The following FRG1 variants were observed in gnomAD, a reference collection of about 807,000 sequenced individuals.
FRG1 encodes FSHD region gene 1.
In FRG1, 19 loss-of-function variants were observed where a neutral mutation model predicts 37.0. The ratio of observed to expected loss-of-function variants is 0.51; its 90% CI spans 0.36 to 0.75. The LOEUF is 0.75. Among genes scored for constraint, FRG1 ranks in the 30% least tolerant of loss-of-function variants. The pLI is 0.00. For missense variants in FRG1, 243 were observed against 301.4 expected (o/e 0.81, Z 1.44); for synonymous variants, 73 against 96.5 (o/e 0.76, Z 1.43).
intron 4 of FRG1, among the ~76,000 whole-genome samples, chr4:189,954,756 A>G (rs1400497396): frequency 2.6e-5 from 4 of 151,908 alleles, no homozygotes; most frequent in Non-Finnish European, 5.9e-5. Context: ...CGCCATGCCC[A>G]GCTAACTTTT....
intron 2 of FRG1, among the ~76,000 whole-genome samples, chr4:189,948,803 A>G: frequency 6.6e-6 from 1 of 152,268 alleles, no homozygotes; most frequent in Non-Finnish European, 1.5e-5. Context: ...CAATCCTCTC[A>G]CCTCCGACTC....
At chr4:189,950,067 A>G (rs1736689131) in intron 2 of FRG1, among the ~76,000 whole-genome samples, 1 of 151,916 alleles carries the variant, frequency 6.6e-6, no homozygotes, top group African/African-American at 2.4e-5. Flanking sequence ...TGTTTTGATA[A>G]TAGCTATTCT....
chr4:189,943,174 A>G (rs530509235), intron 1 of FRG1, 28 bp from the exon 2 acceptor site: 1 of 1,539,670 alleles, frequency 6.5e-7, no homozygotes, highest in African/African-American at 1.4e-5. Flanking sequence ...ATATACCTAA[A>G]CTCGTCTATA....
At chr4:189,948,036 CGTT>C (rs1736600983) in intron 2 of FRG1, among the ~76,000 whole-genome samples, 1 of 152,144 alleles carries the variant, frequency 6.6e-6, no homozygotes, top group South Asian at 2.1e-4. Flanking sequence ...TCAGTTTTCT[CGTT>C]GGTCATGGTG....
chr4:189,951,860 A>T (rs1260131862), intron 2 of FRG1, among the ~76,000 whole-genome samples: 2 of 152,120 alleles, frequency 1.3e-5, no homozygotes, highest in African/African-American at 2.4e-5. Flanking sequence ...TTAAAAACCT[A>T]ATCCTGACTG....
At chr4:189,947,273 T>C (rs948896159) in intron 2 of FRG1, among the ~76,000 whole-genome samples, 35 of 152,306 alleles carry the variant, frequency 2.3e-4, no homozygotes, top group African/African-American at 7.2e-4. Flanking sequence ...CCAGCGGTAA[T>C]TCTAGATCTG....
rs569298197 is a variant in FRG1 at position 189,957,519 on chromosome 4, A to G, written c.537+17A>G. On this transcript the variant is annotated intron_variant, in intron 6 of 8. Coordinates refer to ENST00000226798, the MANE Select transcript of FRG1 (RefSeq NM_004477.3). ...ATGATCAAGGTAATGATGACATTTT[A>G]TACAGATGACTGCATTCACACATGC... is the stretch of plus-strand genomic sequence containing the variant. 1.2e-4 allele frequency: 194 copies of G among 1,611,136 alleles called. No individual in the cohort carries two copies. The highest frequency in any genetic ancestry group is 1.0e-3 in the African/African-American group (78 of 74,720).
Position 189,953,114 on chromosome 4 carries a change from A to G in FRG1, c.306A>G (p.Leu102=), listed in dbSNP as rs777511968. The change falls in exon 4 of 9, where the codon TTA becomes TTG. Residue 102 remains leucine (L), a synonymous_variant. Coordinates refer to ENST00000226798, the MANE Select transcript of FRG1 (RefSeq NM_004477.3). ...CAGAGCAGTTTACGGCTGTCAAATT[A>G]TCTGATTCCAGGTGAGCTTATGTTG... is the stretch of plus-strand genomic sequence containing the variant. ...SPPEQFTAVK[L]SDSRIALKSG... 6.3e-7 allele frequency: 1 copy of G among 1,587,316 alleles called. No homozygotes were observed. The highest frequency in any genetic ancestry group is 1.4e-5 in the African/African-American group (1 of 73,556).
chr4:189,962,093 G>A (rs1291082101), intron 8 of FRG1, among the ~76,000 whole-genome samples, 161 bp downstream of exon 8: 2 of 152,002 alleles, frequency 1.3e-5, no homozygotes, highest in Non-Finnish European at 1.5e-5. Flanking sequence ...CGTAAGTTTG[G>A]GAAAAGACTG....
In FRG1 at chr4:189,960,908, A is replaced by G. The variant is rs1172348534; in HGVS notation, c.629+69A>G. 2.6e-6 allele frequency: 4 copies of G among 1,552,546 alleles called. No homozygotes were observed. In the African/African-American group the frequency reaches 5.5e-5, roughly 21 times the overall value. ...GTGCTTCTCAAAGTGCTTTCAAAAT[A>G]AATTACCTACTTAGCTGGGCATGGT... is the stretch of plus-strand genomic sequence containing the variant. On this transcript the variant is annotated intron_variant, in intron 7 of 8. Coordinates refer to ENST00000226798, the MANE Select transcript of FRG1 (RefSeq NM_004477.3).
chr4:189,954,994 T>G, intron 4 of FRG1, 43 bp from the exon 5 acceptor site: 1 of 1,244,460 alleles, frequency 8.0e-7, no homozygotes, highest in African/African-American at 1.5e-5. Flanking sequence ...TATAATTAAT[T>G]TTCTCTCAGT....
chr4:189,945,376 C>T (rs79406949), intron 2 of FRG1, among the ~76,000 whole-genome samples: 35 of 152,272 alleles, frequency 2.3e-4, no homozygotes, highest in Admixed American at 1.4e-3. Flanking sequence ...TATGGTATGA[C>T]GTCTGTAGGA....
intron 6 of FRG1, 84 bp downstream of exon 6, chr4:189,957,586 T>G: frequency 1.6e-6 from 2 of 1,215,362 alleles, no homozygotes; most frequent in South Asian, 1.3e-5. Flanking sequence ...GGTCATTTAC[T>G]GTCACTTTAA....
intron 2 of FRG1, among the ~76,000 whole-genome samples, chr4:189,951,790 G>C (rs958594361): frequency 6.6e-6 from 1 of 151,980 alleles, no homozygotes; most frequent in African/African-American, 2.4e-5. Flanking sequence ...CCAGCTCCCC[G>C]AGTAGCTGAG....
intron 2 of FRG1, among the ~76,000 whole-genome samples, chr4:189,949,005 G>A (rs1030778544): frequency 6.6e-6 from 1 of 152,136 alleles, no homozygotes. Context: ...TAAACTATGT[G>A]ACAATATGTG....
At chr4:189,951,676 C>CT (rs1007454537) in intron 2 of FRG1, among the ~76,000 whole-genome samples, 11 of 151,918 alleles carry the variant, frequency 7.2e-5, no homozygotes, top group Admixed American at 5.2e-4. Flanking sequence ...TTGTTTTGGT[C>CT]TTTTTTTGAG....
chr4:189,945,145 ATTAC>A (rs1301076506), intron 2 of FRG1, among the ~76,000 whole-genome samples: 1 of 152,204 alleles, frequency 6.6e-6, no homozygotes, highest in East Asian at 1.9e-4. Flanking sequence ...TGTTTCACTT[ATTAC>A]TTCTAGTGGT....
chr4:189,948,968 A>C (rs141198283), intron 2 of FRG1, among the ~76,000 whole-genome samples: 3,685 of 152,306 alleles, frequency 0.024, 75 homozygotes, highest in East Asian at 0.11. Flanking sequence ...GCTGGATTAC[A>C]GGCATGCCAG....
rs17425208 is a variant in FRG1, at chr4:189,955,041, G to A, written c.322G>A (p.Ala108Thr). The part of the protein sequence containing the change: ...TAVKLSDSRI[A>T]LKSGYGKYLG... Reference sequence around the variant, plus strand: ...ATCTATGTTATTAATGTACAGAATCGCCCTGAAGTCTGGCTATGGAAAATA... The same window carrying A: ...ATCTATGTTATTAATGTACAGAATCACCCTGAAGTCTGGCTATGGAAAATA... Residue 108 changes from alanine (A) to threonine (T), a missense_variant, in exon 5 of 9, where the codon GCC becomes ACC. This residue lies in a region of FRG1 where 133 missense variants were observed against 199.3 expected (regional missense o/e 0.67). Transcript: ENST00000226798. 2.3e-5 allele frequency: 37 copies of A among 1,599,690 alleles called. No individual in the cohort carries two copies. Among genetic ancestry groups the A allele is most frequent in the South Asian group, 3.3e-5 (3 of 90,726 alleles).
Sources: gnomAD v4.1 joint callset for allele counts (sites outside exome capture counted in the v4.1 genomes callset) on GRCh38, gnomAD v4.1.1 for gene constraint, gnomAD v4.1.1 regional missense constraint, MANE v1.5 for transcripts, NCBI Gene and HGNC (gene_info 2026-07-23, HGNC 2026-07-21) for gene names.